The following RNF150 variants were observed in gnomAD, a reference collection of about 807,000 sequenced individuals.
The protein encoded by RNF150 is ring finger protein 150.
RNF150 carries 24 observed loss-of-function variants against 39.3 expected under a neutral mutation model. The observed-to-expected ratio is 0.61, with a 90% confidence interval of 0.44 to 0.86. The LOEUF is 0.86. Ranked by LOEUF, RNF150 falls within the 40% of genes least tolerant of loss-of-function variation. The pLI, the probability that RNF150 is intolerant of heterozygous loss-of-function variation, is 0.00. For synonymous variants in RNF150, 255 were observed against 227.3 expected, an observed-to-expected ratio of 1.12 and a Z score of -1.10; for missense variants, 502 against 587.8, an observed-to-expected ratio of 0.85 and a Z score of 1.51.
intron 1 of RNF150, among the ~76,000 whole-genome samples, chr4:141,047,801 T>C (rs1736632962): frequency 6.6e-6 from 1 of 152,118 alleles, no homozygotes; most frequent in Admixed American, 6.6e-5. Flanking sequence ...AAATTATATA[T>C]ATATTTTTTA....
At chr4:141,207,226 A>C (rs1461698221) in intron 1 of RNF150, among the ~76,000 whole-genome samples, 3 of 151,876 alleles carry the variant, frequency 2.0e-5, no homozygotes, top group African/African-American at 7.2e-5. Flanking sequence ...ACCTAATATT[A>C]ACCATCACAC....
intron 5 of RNF150, among the ~76,000 whole-genome samples, chr4:140,923,186 C>G (rs1731233149): frequency 6.6e-6 from 1 of 152,092 alleles, no homozygotes; most frequent in South Asian, 2.1e-4. Flanking sequence ...AACAGGCAAC[C>G]TACAGAATGG....
chr4:141,110,216 T>C (rs1214974806), intron 1 of RNF150, among the ~76,000 whole-genome samples: 1 of 152,130 alleles, frequency 6.6e-6, no homozygotes, highest in African/African-American at 2.4e-5. Context: ...AATCCTTCCT[T>C]ACTGGAGACA....
At chr4:140,936,069 A>G (rs1437532009) in intron 4 of RNF150, among the ~76,000 whole-genome samples, 1 of 152,244 alleles carries the variant, frequency 6.6e-6, no homozygotes, top group Non-Finnish European at 1.5e-5. Flanking sequence ...TTTAAATTCA[A>G]AATAATGGTT....
intron 1 of RNF150, among the ~76,000 whole-genome samples, chr4:140,977,217 A>C (rs1733697208): frequency 6.6e-6 from 1 of 152,148 alleles, no homozygotes. Flanking sequence ...ATCAGCCTGC[A>C]TCTGTGCCTC....
chr4:141,105,340 G>T (rs1330061988), intron 1 of RNF150, among the ~76,000 whole-genome samples: 1 of 152,132 alleles, frequency 6.6e-6, no homozygotes, highest in Admixed American at 6.6e-5. Flanking sequence ...GTATCATCCA[G>T]TCCAACTACT....
intron 1 of RNF150, among the ~76,000 whole-genome samples, chr4:141,090,207 C>T (rs6836603): frequency 0.7 from 107,068 of 151,978 alleles, 40,050 homozygotes; most frequent in East Asian, 1. Flanking sequence ...CTTGGGTCAT[C>T]GAACATCACA....
intron 1 of RNF150, among the ~76,000 whole-genome samples, chr4:141,202,208 T>C (rs770143911): frequency 4.6e-5 from 7 of 152,176 alleles, no homozygotes; most frequent in Non-Finnish European, 1.0e-4. Flanking sequence ...TTTGTTTCCG[T>C]CTCAGAATCC....
chr4:141,190,121 C>A (rs189786556), intron 1 of RNF150, among the ~76,000 whole-genome samples: 1 of 152,260 alleles, frequency 6.6e-6, no homozygotes, highest in East Asian at 1.9e-4. Flanking sequence ...TGAGGTGACA[C>A]CCCACCCTGC....
chr4:141,203,989 C>T (rs1728335706), intron 1 of RNF150, among the ~76,000 whole-genome samples: 1 of 152,060 alleles, frequency 6.6e-6, no homozygotes, highest in African/African-American at 2.4e-5. Flanking sequence ...GAAATCCAAG[C>T]CAGGGTAACA....
At chr4:141,199,410 T>TA (rs1728254201) in intron 1 of RNF150, among the ~76,000 whole-genome samples, 1 of 152,252 alleles carries the variant, frequency 6.6e-6, no homozygotes, top group Non-Finnish European at 1.5e-5. Flanking sequence ...TATGAATGTT[T>TA]ATACATTGAT....
At chr4:140,917,480 G>A (rs1478126640) in intron 5 of RNF150, among the ~76,000 whole-genome samples, 2 of 152,186 alleles carry the variant, frequency 1.3e-5, no homozygotes, top group Admixed American at 1.3e-4. Context: ...AATTCAACAA[G>A]AAGAACTAAC....
At chr4:141,116,696 T>G (rs961666950) in intron 1 of RNF150, among the ~76,000 whole-genome samples, 3 of 152,198 alleles carry the variant, frequency 2.0e-5, no homozygotes, top group Admixed American at 1.3e-4. Flanking sequence ...CACACATATG[T>G]TTATTTCAGC....
At chr4:141,109,810 A>ATG (rs1344115228) in intron 1 of RNF150, among the ~76,000 whole-genome samples, 17 of 152,198 alleles carry the variant, frequency 1.1e-4, no homozygotes, top group Non-Finnish European at 2.5e-4. Flanking sequence ...TTAAGAAAAC[A>ATG]AGGACATGAG....
intron 1 of RNF150, among the ~76,000 whole-genome samples, chr4:141,001,580 T>C (rs1734669705): frequency 6.6e-6 from 1 of 152,112 alleles, no homozygotes; most frequent in East Asian, 1.9e-4. Context: ...AAATATATTT[T>C]CCTGCCTCTG....
chr4:140,898,609 C>T (rs1434490430), intron 6 of RNF150, among the ~76,000 whole-genome samples: 4 of 152,234 alleles, frequency 2.6e-5, no homozygotes, highest in African/African-American at 7.2e-5. Context: ...CAGATGTGCA[C>T]AGGCACACAT....
In RNF150 at chr4:140,896,687, TAA is replaced by T. The variant is rs368166601; in HGVS notation, c.1198+14455_1198+14456del. The stretch of plus-strand genomic sequence containing the variant: ...ATGTACCCTAAAACTTAGAGTATAA[TAA>T]AAAAAAAAAAACAAAAAAACAAACA... On this transcript the variant is annotated intron_variant, in intron 6 of 6. Transcript: ENST00000515673. 2.5e-4 allele frequency among the ~76,000 whole-genome samples: 20 copies of T among 79,300 alleles called. No individual in the cohort carries two copies. In the East Asian group the frequency reaches 8.7e-3, roughly 34 times the overall value. The allele number at this position is 79,300 out of a possible 152,430, so 52.0% of individuals were successfully genotyped here. A position where few individuals can be genotyped will look rare whatever the true frequency, so the allele number is the denominator to read the frequency against.
At chr4:141,137,973 C>G (rs1444982376), upstream of RNF150, among the ~76,000 whole-genome samples, 1 of 152,126 alleles carries the variant, frequency 6.6e-6, no homozygotes, top group African/African-American at 2.4e-5. Flanking sequence ...GCAGATTTGA[C>G]TTAAATACAT....
chr4:141,190,270 A>T (rs354932), intron 1 of RNF150, among the ~76,000 whole-genome samples: 2 of 152,172 alleles, frequency 1.3e-5, no homozygotes, highest in Non-Finnish European at 2.9e-5. Context: ...TGTTCCTATT[A>T]GGCCATTTTG....
Sources: gnomAD v4.1 joint callset for allele counts (sites outside exome capture counted in the v4.1 genomes callset) on GRCh38, gnomAD v4.1.1 for gene constraint, MANE v1.5 for transcripts, NCBI Gene and HGNC (gene_info 2026-07-23, HGNC 2026-07-21) for gene names.